Variants in CDK7 observed in about 807,000 individuals in gnomAD.
CDK7 encodes the protein cyclin-dependent kinase 7.
A neutral mutation model predicts 49.1 loss-of-function variants in CDK7; 25 were observed. The ratio of observed to expected loss-of-function variants is 0.51; its 90% CI spans 0.37 to 0.71. CDK7 has a LOEUF of 0.71. Ranked by LOEUF, CDK7 falls within the 30% of genes least tolerant of loss-of-function variation. CDK7 has a pLI of 0.00. For missense variants in CDK7, 316 were observed against 411.7 expected, an observed-to-expected ratio of 0.77 and a Z score of 2.01; for synonymous variants, 107 against 140.0, an observed-to-expected ratio of 0.76 and a Z score of 1.67.
Position 69,277,245 on chromosome 5 carries a change from T to C in CDK7, c.*110T>C. ...TGTAGAAGTGAGTTTGTAAATATTCTACACATGTAAAATATGTAAAACTAT... is the reference window on the plus strand; with the variant it reads ...TGTAGAAGTGAGTTTGTAAATATTCCACACATGTAAAATATGTAAAACTAT... On this transcript the variant is annotated 3_prime_UTR_variant, in exon 12 of 12. Coordinates refer to ENST00000256443, the MANE Select transcript of CDK7 (RefSeq NM_001799.4). 4.5e-6 allele frequency: 3 copies of C among 662,874 alleles called. No individual in the cohort carries two copies. Among genetic ancestry groups the C allele is most frequent in the Middle Eastern group, 4.5e-4 (1 of 2,246 alleles). The allele number at this position is 662,874 out of a possible 1,614,324, so 41.1% of individuals were successfully genotyped here. A position where few individuals can be genotyped will look rare whatever the true frequency, so the allele number is the denominator to read the frequency against.
intron 8 of CDK7, among the ~76,000 whole-genome samples, chr5:69,267,292 CTTTTTTTTTTTT>C (rs71612523): frequency 5.5e-5 from 5 of 91,096 alleles, no homozygotes; most frequent in East Asian, 3.3e-4. Flanking sequence ...ATAAGGATTC[CTTTTTTTTTTTT>C]TTTTTTTTTT....
At chr5:69,259,975 C>G (rs943994774) in intron 7 of CDK7, 39 bp downstream of exon 7, 1 of 1,198,834 alleles carries the variant, frequency 8.3e-7, no homozygotes, top group Non-Finnish European at 1.2e-6. Flanking sequence ...GGAGTTTGAT[C>G]AGAAATGAGC....
intron 4 of CDK7, among the ~76,000 whole-genome samples, chr5:69,254,982 G>A (rs2150205822): frequency 6.6e-6 from 1 of 152,312 alleles, no homozygotes; most frequent in East Asian, 1.9e-4. Context: ...GTGAGACCTT[G>A]AGTGTGTTCA....
chr5:69,260,127 C>T (rs2130757), intron 7 of CDK7, among the ~76,000 whole-genome samples, 191 bp downstream of exon 7: 92,537 of 152,074 alleles, frequency 0.61, 28,778 homozygotes, highest in African/African-American at 0.74. Flanking sequence ...GGCAGGCAGA[C>T]CCACGAGGTC....
chr5:69,262,706 C>A (rs913803176), intron 8 of CDK7, among the ~76,000 whole-genome samples: 3 of 151,086 alleles, frequency 2.0e-5, no homozygotes, highest in Non-Finnish European at 4.4e-5. Flanking sequence ...GAAAAGAATT[C>A]TTGTCCTGCC....
chr5:69,251,785 G>C (rs773877025), intron 2 of CDK7, among the ~76,000 whole-genome samples: 3 of 152,112 alleles, frequency 2.0e-5, no homozygotes, highest in Non-Finnish European at 2.9e-5. Flanking sequence ...CTCCCACCTT[G>C]GCCTGTCAAA....
In CDK7 at chr5:69,240,179, G is replaced by GT. The variant is rs1227237590; in HGVS notation, c.126+4734dup. On this transcript the variant is annotated intron_variant, in intron 2 of 11. Transcript: ENST00000256443. ...TTCTGTTCCAGTGGTGGGTTTGTTT[G>GT]TTTTTTTTCCCATTGCTGTTGAAAT... is the stretch of plus-strand genomic sequence containing the variant. 1.6e-4 allele frequency among the ~76,000 whole-genome samples: 24 copies of GT among 151,820 alleles called. 1 individual carries two copies. Among genetic ancestry groups the GT allele is most frequent in the East Asian group, 1.3e-3 (7 of 5,192 alleles).
rs111845256 is a variant in CDK7, at chr5:69,269,293, G to C, written c.714G>C (p.Pro238=). 2.5e-6 allele frequency: 4 copies of C among 1,600,826 alleles called. No individual in the cohort carries two copies. The Admixed American group carries it at 6.9e-5, about 28-fold the overall frequency. The change falls in exon 9 of 12, where the codon CCG becomes CCC. Residue 238 remains proline (P), a splice_region_variant and synonymous_variant. Coordinates refer to ENST00000256443, the MANE Select transcript of CDK7 (RefSeq NM_001799.4). Reference sequence around the variant, plus strand: ...GCACACCAACTGAGGAACAGTGGCCGGTAAGCCTTTATGCATTTTCTTTGA... The same window carrying C: ...GCACACCAACTGAGGAACAGTGGCCCGTAAGCCTTTATGCATTTTCTTTGA... The part of the protein sequence containing the change: ...TLGTPTEEQW[P]DMCSLPDYVT...
At chr5:69,235,579 C>A in intron 2 of CDK7, 126 bp downstream of exon 2, 1 of 707,818 alleles carries the variant, frequency 1.4e-6, no homozygotes, top group South Asian at 1.7e-5. Flanking sequence ...TTTTCAGAGA[C>A]AAAATAATTA....
At chr5:69,253,452 G>A (rs572662836) in intron 3 of CDK7, among the ~76,000 whole-genome samples, 1 of 152,148 alleles carries the variant, frequency 6.6e-6, no homozygotes, top group East Asian at 1.9e-4. Context: ...TTTTAGTAGA[G>A]ATGGGGTTTT....
chr5:69,247,181 T>C (rs1359509925), intron 2 of CDK7, among the ~76,000 whole-genome samples: 1 of 152,188 alleles, frequency 6.6e-6, no homozygotes, highest in Non-Finnish European at 1.5e-5. Context: ...TGTCCAATGG[T>C]GAAAGTGGGG....
rs886447086 is a variant in CDK7 at position 69,273,039 on chromosome 5, C to G, written c.862C>G (p.Gln288Glu). 1 of 1,529,060 alleles carries G rather than the reference C, an allele frequency of 6.5e-7. No individual in the cohort carries two copies. Among genetic ancestry groups the G allele is most frequent in the Non-Finnish European group, 8.9e-7 (1 of 1,129,564 alleles). 94.7% of individuals were successfully genotyped at this position (1,529,060 alleles called of 1,614,324 possible). Reference sequence around the variant, plus strand: ...TCCATGTGCTCGAATTACGGCCACACAGGTATTTTGGTGTATCTTTTTTAT... The same window carrying G: ...TCCATGTGCTCGAATTACGGCCACAGAGGTATTTTGGTGTATCTTTTTTAT... The part of the protein sequence containing the change: ...FNPCARITAT[Q>E]ALKMKYFSNR... The change falls in exon 10 of 12, where the codon CAG (glutamine) becomes GAG (glutamate). Residue 288 changes from glutamine to glutamate, a missense_variant and splice_region_variant. Gln to Glu is a conservative substitution (Grantham distance 29). Coordinates refer to ENST00000256443, the MANE Select transcript of CDK7 (RefSeq NM_001799.4).
chr5:69,269,173 C>T, intron 8 of CDK7, 34 bp from the exon 9 acceptor site: 1 of 1,364,750 alleles, frequency 7.3e-7, no homozygotes. Flanking sequence ...AAAAAAAACC[C>T]ACCTTGAAAA....
At chr5:69,251,484 A>G (rs919699084) in intron 2 of CDK7, among the ~76,000 whole-genome samples, 4 of 152,034 alleles carry the variant, frequency 2.6e-5, no homozygotes, top group African/African-American at 7.2e-5. Context: ...TACTCAAGCA[A>G]TCCTCCTACC....
intron 7 of CDK7, among the ~76,000 whole-genome samples, chr5:69,260,400 G>A (rs1370229626): frequency 6.6e-6 from 1 of 151,976 alleles, no homozygotes. Context: ...TTTATGTTAG[G>A]TATACTTTAC....
chr5:69,250,772 G>A (rs1376592197), intron 2 of CDK7: 1 of 456,686 alleles, frequency 2.2e-6, no homozygotes, highest in South Asian at 1.5e-5. Flanking sequence ...CACTACAGCT[G>A]TGAATGTGCT....
At chr5:69,239,581 T>C (rs185964099) in intron 2 of CDK7, among the ~76,000 whole-genome samples, 12 of 152,302 alleles carry the variant, frequency 7.9e-5, no homozygotes, top group Admixed American at 6.5e-4. Flanking sequence ...AGAATTCTTT[T>C]ATATTCTGGA....
At chr5:69,275,806 C>T (rs1312777962) in intron 10 of CDK7, among the ~76,000 whole-genome samples, 1 of 152,118 alleles carries the variant, frequency 6.6e-6, no homozygotes, top group Non-Finnish European at 1.5e-5. Flanking sequence ...AGACCCCATT[C>T]TCCACAAAAA....
At chr5:69,263,333 G>A (rs189076734) in intron 8 of CDK7, among the ~76,000 whole-genome samples, 1 of 152,222 alleles carries the variant, frequency 6.6e-6, no homozygotes, top group African/African-American at 2.4e-5. Context: ...AACCAAGATT[G>A]AATAGCTTTT....
Sources: allele counts gnomAD v4.1 joint callset (sites outside exome capture counted in the v4.1 genomes callset), GRCh38; gene constraint gnomAD v4.1.1; transcripts MANE v1.5; gene names NCBI Gene and HGNC (gene_info 2026-07-23, HGNC 2026-07-21).